Variants in DEGS2 observed in about 807,000 individuals in gnomAD.
DEGS2 encodes sphingolipid delta(4)-desaturase/C4-monooxygenase DES2.
In DEGS2, 19 loss-of-function variants were observed where a neutral mutation model predicts 23.8. The observed-to-expected ratio is 0.80, with a 90% CI of 0.56 to 1.17. The LOEUF is 1.17. Ranked by LOEUF, DEGS2 falls within the 50% of genes most tolerant of loss-of-function variation. DEGS2 has a pLI of 0.00. For synonymous variants in DEGS2, 218 were observed against 213.7 expected (o/e 1.02, Z -0.18); for missense variants, 390 against 459.5 (o/e 0.85, Z 1.38).
chr14:100,161,005 AG>A (rs1385475327), upstream of DEGS2, among the ~76,000 whole-genome samples: 1 of 152,228 alleles, frequency 6.6e-6, no homozygotes, highest in Non-Finnish European at 1.5e-5. Context: ...CCCAGCCAGA[AG>A]GGTCCTCAGA....
Position 100,146,349 on chromosome 14 carries a change from G to A in DEGS2, c.*412C>T, listed in dbSNP as rs532665470. ...GGCCTCAAGCTCCACTCATCGGGGCGGCCCAGCGCCCCATTCCCTGGGGCC... is the reference window on the plus strand; with the variant it reads ...GGCCTCAAGCTCCACTCATCGGGGCAGCCCAGCGCCCCATTCCCTGGGGCC... On this transcript the variant is annotated 3_prime_UTR_variant, in exon 3 of 3. Transcript: ENST00000305631. The A allele has an allele frequency of 5.5e-5, 10 of 180,250 alleles. No homozygotes were observed. Among genetic ancestry groups the A allele is most frequent in the South Asian group, 1.3e-4 (1 of 7,900 alleles). The allele number at this position is 180,250 out of a possible 1,614,324, so 11.2% of individuals were successfully genotyped here. A position where few individuals can be genotyped will look rare whatever the true frequency, so the allele number is the denominator to read the frequency against.
intron 1 of DEGS2, among the ~76,000 whole-genome samples, chr14:100,150,396 C>CG (rs1329633370): frequency 7.4e-5 from 11 of 148,302 alleles, no homozygotes; most frequent in African/African-American, 2.3e-4. Context: ...CACCCCCCCC[C>CG]GCCCCGCCCC....
intron 2 of DEGS2, among the ~76,000 whole-genome samples, chr14:100,148,698 T>C (rs878078): frequency 0.48 from 73,034 of 152,148 alleles, 17,964 homozygotes; most frequent in South Asian, 0.59. Flanking sequence ...GAAGACACCC[T>C]GTCAGTATCA....
upstream of DEGS2, chr14:100,159,842 GGACC>G: frequency 7.0e-6 from 2 of 283,860 alleles, no homozygotes; most frequent in Non-Finnish European, 1.3e-5. Context: ...CTCCCCGGCA[GGACC>G]GAGGTGGCCG....
chr14:100,166,235 AGAGTGGGGG>A, the DEGS2 span, among the ~76,000 whole-genome samples: 10 of 13,604 alleles, frequency 7.4e-4, no homozygotes, highest in Admixed American at 1.1e-3. Context: ...CCCATCCAGG[AGAGTGGGGG>A]GAGCCTGTCC....
Position 100,149,724 on chromosome 14 carries a change from A to C in DEGS2, c.83-14T>G. On this transcript the variant is annotated splice_polypyrimidine_tract_variant and intron_variant, in intron 1 of 2. Transcript: ENST00000305631. ...CCGGGTACTTGGCTGCAAGGAAGAC[A>C]GGGAGGTATGAGGCCCCGCTCGGTG... 2 of 1,586,426 alleles carry C rather than the reference A, an allele frequency of 1.3e-6. No individual in the cohort carries two copies. The highest frequency in any genetic ancestry group is 8.6e-7 in the Non-Finnish European group (1 of 1,165,330).
chr14:100,161,915 C>G (rs538128879), upstream of DEGS2, among the ~76,000 whole-genome samples: 1 of 151,488 alleles, frequency 6.6e-6, no homozygotes, highest in South Asian at 2.1e-4. Context: ...ACTAAAAATA[C>G]AAAAATTAGC....
intron 1 of DEGS2, chr14:100,155,637 G>A (rs1174875501): frequency 2.6e-5 from 4 of 152,242 alleles, no homozygotes; most frequent in Non-Finnish European, 5.9e-5. Context: ...CTGGGAGATG[G>A]AGCCCCAGGA....
At chr14:100,159,813 G>C (rs1889723312), upstream of DEGS2, 2 of 314,242 alleles carry the variant, frequency 6.4e-6, no homozygotes, top group Non-Finnish European at 1.2e-5. Context: ...AACCTCAGTT[G>C]CCTCGGTTGG....
chr14:100,158,336 A>G (rs1043730122), intron 1 of DEGS2, among the ~76,000 whole-genome samples: 26 of 151,988 alleles, frequency 1.7e-4, no homozygotes, highest in African/African-American at 6.0e-4. Flanking sequence ...AGTTGAGCCC[A>G]GTGGGGAGAG....
chr14:100,163,461 A>T (rs1170469084), upstream of DEGS2, among the ~76,000 whole-genome samples: 2 of 152,082 alleles, frequency 1.3e-5, no homozygotes, highest in Non-Finnish European at 2.9e-5. Context: ...AAATAAAAAT[A>T]AAAAAATAAA....
chr14:100,146,684 T>C lies in DEGS2; in HGVS notation c.*77A>G, dbSNP rs970919828. Reference sequence around the variant, plus strand: ...AGCAGTCCAGAGCACAGGAAGGAAATGTAGCTTCTCAGTGCTGGGGTGCAA... The same window carrying C: ...AGCAGTCCAGAGCACAGGAAGGAAACGTAGCTTCTCAGTGCTGGGGTGCAA... On this transcript the variant is annotated 3_prime_UTR_variant, in exon 3 of 3. Coordinates refer to ENST00000305631, the MANE Select transcript of DEGS2 (RefSeq NM_206918.3). The C allele has an allele frequency of 2.6e-6, 4 of 1,554,672 alleles. No homozygotes were observed. Among genetic ancestry groups the C allele is most frequent in the Non-Finnish European group, 2.6e-6 (3 of 1,149,224 alleles).
At chr14:100,151,133 C>A (rs61991310) in intron 1 of DEGS2, among the ~76,000 whole-genome samples, 1 of 152,254 alleles carries the variant, frequency 6.6e-6, no homozygotes. Context: ...CACCAGCCTG[C>A]GTCTTCCCAT....
chr14:100,156,755 GTGGGACTGAAC>G (rs1889664182), intron 1 of DEGS2, among the ~76,000 whole-genome samples: 1 of 152,236 alleles, frequency 6.6e-6, no homozygotes. Context: ...TCTGCAGGAG[GTGGGACTGAAC>G]TGAGCGAGCA....
chr14:100,148,762 G>A (rs752207626), intron 2 of DEGS2, among the ~76,000 whole-genome samples: 9 of 152,218 alleles, frequency 5.9e-5, no homozygotes, highest in Non-Finnish European at 1.3e-4. Context: ...CCACCTCCCT[G>A]AATTTGCTTC....
upstream of DEGS2, among the ~76,000 whole-genome samples, chr14:100,162,199 A>T (rs12890428): frequency 0.29 from 43,342 of 150,796 alleles, 6,523 homozygotes; most frequent in South Asian, 0.43. Context: ...TACAAAAAAA[A>T]TTAGCTGGGC....
At chr14:100,154,968 C>G (rs1266390271) in intron 1 of DEGS2, among the ~76,000 whole-genome samples, 1 of 151,776 alleles carries the variant, frequency 6.6e-6, no homozygotes, top group East Asian at 1.9e-4. Flanking sequence ...AAAGGGGCCT[C>G]TTATCTCTTC....
At chr14:100,153,184 A>C (rs1404566580) in intron 1 of DEGS2, among the ~76,000 whole-genome samples, 1 of 152,104 alleles carries the variant, frequency 6.6e-6, no homozygotes, top group Admixed American at 6.5e-5. Flanking sequence ...TGAGCCCAGG[A>C]GTTCGGGGCT....
In DEGS2 at chr14:100,144,657, A is replaced by G. The variant is rs1022710777; in HGVS notation, c.*2104T>C. 4 of 152,294 alleles carry G rather than the reference A, an allele frequency of 2.6e-5. No homozygotes were observed. The highest frequency in any genetic ancestry group is 4.1e-4 in the South Asian group (2 of 4,834). 9.4% of individuals were successfully genotyped at this position (152,294 alleles called of 1,614,324 possible). ...TCCTGGGAGGACCACCTGGCCTGCA[A>G]TGGGCTGTCCCAGGCCCCTGCCCTG... On this transcript the variant is annotated 3_prime_UTR_variant, in exon 3 of 3. Transcript: ENST00000305631.
Sources: allele counts gnomAD v4.1 joint callset (sites outside exome capture counted in the v4.1 genomes callset), GRCh38; gene constraint gnomAD v4.1.1; transcripts MANE v1.5; gene names NCBI Gene and HGNC (gene_info 2026-07-23, HGNC 2026-07-21).